The following FYTTD1 variants were observed in gnomAD, a reference collection of about 807,000 sequenced individuals.
FYTTD1 encodes forty-two-three domain containing 1, also known as UAP56-interacting factor.
Under a neutral mutation model 40.9 loss-of-function variants are expected in FYTTD1, and 22 were observed. The observed-to-expected ratio is 0.54, with a 90% confidence interval of 0.38 to 0.77. FYTTD1 has a LOEUF of 0.77. Ranked by LOEUF, FYTTD1 falls within the 30% of genes least tolerant of loss-of-function variation. The pLI is 0.00. For synonymous variants in FYTTD1, 140 were observed against 137.9 expected (o/e 1.01, Z -0.10); for missense variants, 351 against 392.2 (o/e 0.90, Z 0.89).
At chr3:197,767,488 T>C (rs1729586407) in intron 2 of FYTTD1, among the ~76,000 whole-genome samples, 1 of 150,750 alleles carries the variant, frequency 6.6e-6, no homozygotes, top group Non-Finnish European at 1.5e-5. Context: ...TTTATTTATA[T>C]ATTTATTTAT....
chr3:197,776,932 G>A lies in FYTTD1; in HGVS notation c.662G>A (p.Arg221Gln), dbSNP rs369840594. The A allele has an allele frequency of 2.2e-4, 347 of 1,603,432 alleles. No individual in the cohort carries two copies. The highest frequency in any genetic ancestry group is 2.8e-4 in the Non-Finnish European group (326 of 1,171,552). Residue 221 changes from arginine to glutamine, a missense_variant, in exon 7 of 9, where the codon CGG becomes CAG. Arg to Gln is a conservative substitution (Grantham distance 43, BLOSUM62 1). Coordinates refer to ENST00000241502, the MANE Select transcript of FYTTD1 (RefSeq NM_032288.7). ...DVVAKRTRQW[R>Q]TSTTNGGILT... ...TTTATTTTTTTTGAAACTAGATGGC[G>A]GACTTCCACCACAAATGGAGGGATT...
intron 2 of FYTTD1, among the ~76,000 whole-genome samples, chr3:197,761,152 T>G (rs1373989453): frequency 3.9e-5 from 6 of 151,926 alleles, no homozygotes; most frequent in Non-Finnish European, 7.4e-5. Flanking sequence ...GAGTTGTTCT[T>G]CAATAGTAGG....
In FYTTD1 at chr3:197,753,294, C is replaced by CAAT. The variant is rs539069785; in HGVS notation, c.104-3130_104-3128dup. On this transcript the variant is annotated intron_variant, in intron 1 of 8. Transcript: ENST00000241502. ...ATTTCACATAGAGTACCAAGTTTAC[C>CAAT]AATAGCTGGCCTCATGGTTCAATTC... Among the ~76,000 whole-genome samples the CAAT allele has an allele frequency of 3.5e-4, 53 of 152,204 alleles. No individual in the cohort carries two copies. In the East Asian group the frequency reaches 8.9e-3, roughly 25 times the overall value.
At chr3:197,766,430 G>GTGTGT in intron 2 of FYTTD1, among the ~76,000 whole-genome samples, 1 of 135,072 alleles carries the variant, frequency 7.4e-6, no homozygotes, top group African/African-American at 2.7e-5. Context: ...GTTTGAGACT[G>GTGTGT]GTGTGTGTGT....
In FYTTD1 at chr3:197,755,676, C is replaced by T. The variant is rs199534071; in HGVS notation, c.104-750C>T. ...TATTTATTTGTATTTTTAGTAGAGA[C>T]GGGATTTCACCATGTTGGTCAGGCC... On this transcript the variant is annotated intron_variant, in intron 1 of 8. Transcript: ENST00000241502. The T allele has an allele frequency of 5.0e-4, 217 of 431,002 alleles. 1 individual carries two copies. The highest frequency in any genetic ancestry group is 7.3e-4 in the Non-Finnish European group (174 of 239,138). 26.7% of individuals were successfully genotyped at this position (431,002 alleles called of 1,614,324 possible).
At chr3:197,751,194 T>G (rs1357595109) in intron 1 of FYTTD1, among the ~76,000 whole-genome samples, 1 of 152,260 alleles carries the variant, frequency 6.6e-6, no homozygotes, top group Admixed American at 6.5e-5. Context: ...GTGGTTTATC[T>G]GGAACGTTTT....
At chr3:197,763,369 G>A (rs1021350630) in intron 2 of FYTTD1, 6 of 283,642 alleles carry the variant, frequency 2.1e-5, no homozygotes, top group Non-Finnish European at 3.5e-5. Flanking sequence ...AGCCGAGATC[G>A]CACCATTGCA....
chr3:197,753,844 A>C (rs1040094387), intron 1 of FYTTD1, among the ~76,000 whole-genome samples: 3 of 151,876 alleles, frequency 2.0e-5, no homozygotes, highest in African/African-American at 7.3e-5. Flanking sequence ...GGTTCACAAC[A>C]TTCTCCTGCC....
At chr3:197,772,790 G>C (rs988577397) in intron 4 of FYTTD1, among the ~76,000 whole-genome samples, 4 of 152,134 alleles carry the variant, frequency 2.6e-5, no homozygotes, top group African/African-American at 9.7e-5. Flanking sequence ...TGTGTTTTTA[G>C]TAGAGACGGG....
intron 5 of FYTTD1, 45 bp from the exon 6 acceptor site, chr3:197,774,104 A>G: frequency 6.5e-7 from 1 of 1,537,108 alleles, no homozygotes; most frequent in South Asian, 1.1e-5. Context: ...TTGGATTCAA[A>G]TCCTCTGCTT....
At chr3:197,775,552 T>C (rs1170284565) in intron 6 of FYTTD1, among the ~76,000 whole-genome samples, 2 of 152,002 alleles carry the variant, frequency 1.3e-5, no homozygotes, top group Non-Finnish European at 1.5e-5. Context: ...TCAAGTCCCT[T>C]ACAATCGGCC....
At position 197,770,263 on chromosome 3, in the gene FYTTD1, T is replaced by C; in HGVS notation, c.497+19T>C. On this transcript the variant is annotated intron_variant, in intron 4 of 8. Transcript: ENST00000241502. ...GCAGAAAGTAAGTGCTCAAAAATAA[T>C]AATGTGTTATTTTGCATTAAAAACA... 2.8e-6 allele frequency: 4 copies of C among 1,419,370 alleles called. No individual in the cohort carries two copies. Among genetic ancestry groups the C allele is most frequent in the Non-Finnish European group, 4.0e-6 (4 of 1,012,196 alleles). 87.9% of individuals were successfully genotyped at this position (1,419,370 alleles called of 1,614,324 possible). A position where few individuals can be genotyped will look rare whatever the true frequency, so the allele number is the denominator to read the frequency against.
chr3:197,776,871 A>T (rs779359771), intron 6 of FYTTD1, 56 bp from the exon 7 acceptor site: 16 of 1,153,222 alleles, frequency 1.4e-5, no homozygotes, highest in Non-Finnish European at 1.9e-5. Flanking sequence ...TTTTGAATAT[A>T]CATAGGGTTT....
intron 2 of FYTTD1, among the ~76,000 whole-genome samples, chr3:197,766,430 G>GGTGTGTGTGTGTGTGTGT (rs111725145): frequency 0.16 from 22,004 of 134,734 alleles, 2,043 homozygotes; most frequent in South Asian, 0.23. Flanking sequence ...GTTTGAGACT[G>GGTGTGTGTGTGTGTGTGT]GTGTGTGTGT....
At chr3:197,757,544 T>C (rs368089376) in intron 2 of FYTTD1, among the ~76,000 whole-genome samples, 1 of 152,172 alleles carries the variant, frequency 6.6e-6, no homozygotes, top group Non-Finnish European at 1.5e-5. Flanking sequence ...TCCCAGAACT[T>C]TGGGAGGATC....
In FYTTD1 at chr3:197,774,143, C is replaced by G; in HGVS notation, c.595-6C>G. On this transcript the variant is annotated splice_region_variant and splice_polypyrimidine_tract_variant and intron_variant, in intron 5 of 8. Coordinates refer to ENST00000241502, the MANE Select transcript of FYTTD1 (RefSeq NM_032288.7). ...GTGGTACCTACTGCTTTTTTTTTCC[C>G]TTCAGGTGCAGGCCCAGTTGAATAC... 6.2e-7 allele frequency: 1 copy of G among 1,611,012 alleles called. No individual in the cohort carries two copies. Among genetic ancestry groups the G allele is most frequent in the East Asian group, 2.2e-5 (1 of 44,862 alleles).
In FYTTD1 at chr3:197,768,455, T is replaced by C. The variant is rs1294353597; in HGVS notation, c.252T>C (p.Ser84=). Residue 84 remains serine (S), a synonymous_variant, in exon 3 of 9, where the codon AGT becomes AGC. Coordinates refer to ENST00000241502, the MANE Select transcript of FYTTD1 (RefSeq NM_032288.7). ...CTCCTATAGGTTTTGGTAAGACTAG[T>C]CTGAATCGTAGAGGAAGAGTAATGC... is the stretch of plus-strand genomic sequence containing the variant. ...IQQNSGFGKT[S]LNRRGRVMPG... The C allele has an allele frequency of 1.2e-6, 2 of 1,611,058 alleles. No homozygotes were observed. Among genetic ancestry groups the C allele is most frequent in the Non-Finnish European group, 1.7e-6 (2 of 1,177,864 alleles).
rs201037169 is a variant in FYTTD1, at chr3:197,776,361, C to CGG, written c.657-566_657-565insGG. ...CTGGGATTACAAATACCCACCACCA[C>CGG]ACCCCACGCCCAGCTTAAATTTGTT... On this transcript the variant is annotated intron_variant, in intron 6 of 8. Coordinates refer to ENST00000241502, the MANE Select transcript of FYTTD1 (RefSeq NM_032288.7). Among the ~76,000 whole-genome samples the CGG allele has an allele frequency of 4.3e-3, 646 of 150,950 alleles. 21 individuals are homozygous for CGG. Among genetic ancestry groups the CGG allele is most frequent in the Admixed American group, 0.039 (591 of 15,016 alleles).
At chr3:197,781,245 C>T (rs988606748) in intron 8 of FYTTD1, among the ~76,000 whole-genome samples, 2 of 151,174 alleles carry the variant, frequency 1.3e-5, no homozygotes, top group Non-Finnish European at 2.9e-5. Flanking sequence ...ACCCAGGAGG[C>T]GGAAGTTGCA....
Sources: allele counts gnomAD v4.1 joint callset (sites outside exome capture counted in the v4.1 genomes callset), GRCh38; gene constraint gnomAD v4.1.1; transcripts MANE v1.5; gene names NCBI Gene and HGNC (gene_info 2026-07-23, HGNC 2026-07-21).